The following BLM variants were observed in gnomAD, a reference collection of about 807,000 sequenced individuals.
The protein encoded by BLM is recQ-like DNA helicase BLM.
BLM carries 95 observed loss-of-function variants against 135.3 expected under a neutral mutation model. The ratio of observed to expected loss-of-function variants is 0.70; its 90% CI spans 0.59 to 0.83. The LOEUF (loss-of-function observed/expected upper bound fraction) is 0.83, where lower values mean the gene tolerates loss of function less well. BLM is among the 40% of genes least tolerant of loss of function. The probability of loss-of-function intolerance (pLI) is 0.00; values close to 1 mark genes in which losing one functional copy is unlikely to be tolerated. For missense variants in BLM, 1,518 were observed against 1,663.9 expected (o/e 0.91, Z 1.53); for synonymous variants, 520 against 589.2 (o/e 0.88, Z 1.70).
At position 90,749,562 on chromosome 15, in the gene BLM, AAC is replaced by A. The variant is rs745807085; in HGVS notation, c.298_299del (p.Gln100GlufsTer42). 12 of 1,614,068 alleles carry A rather than the reference AAC, an allele frequency of 7.4e-6. No homozygotes were observed. The highest frequency in any genetic ancestry group is 3.3e-5 in the Admixed American group (2 of 60,012). On this transcript the variant is annotated frameshift_variant, in exon 3 of 22. Coordinates refer to ENST00000355112, the MANE Select transcript of BLM (RefSeq NM_000057.4). LOFTEE classifies it high-confidence loss of function. ...FFKNAPAGQE[T>X]QRGGSKSLLP... The stretch of plus-strand genomic sequence containing the variant: ...TTAAAAATGCTCCAGCAGGACAGGA[AAC>A]ACAGAGAGGTGGATCAAAATCATTA...
At chr15:90,784,555 C>T (rs1200776944) in intron 13 of BLM, among the ~76,000 whole-genome samples, 2 of 151,574 alleles carry the variant, frequency 1.3e-5, no homozygotes, top group Admixed American at 6.6e-5. Context: ...AGGCTGGTCT[C>T]GAACTCCCGA....
chr15:90,788,914 A>C (rs539697930), intron 14 of BLM, among the ~76,000 whole-genome samples: 11 of 151,642 alleles, frequency 7.3e-5, no homozygotes, highest in African/African-American at 1.9e-4. Flanking sequence ...TGGAGGTTGC[A>C]GTGAGCCAAA....
At position 90,804,159 on chromosome 15, in the gene BLM, T is replaced by G; in HGVS notation, c.3559-8T>G. The G allele has an allele frequency of 6.2e-7, 1 of 1,611,824 alleles. No individual in the cohort carries two copies. The highest frequency in any genetic ancestry group is 8.5e-7 in the Non-Finnish European group (1 of 1,178,084). ...CCCACTCCTATGATTTGTTTCTCTC[T>G]CATAAAGGTAGACTTTATGGAAACA... On this transcript the variant is annotated splice_region_variant and splice_polypyrimidine_tract_variant and intron_variant, in intron 18 of 21. Coordinates refer to ENST00000355112, the MANE Select transcript of BLM (RefSeq NM_000057.4).
At chr15:90,790,574 T>C in intron 14 of BLM, 75 bp from the exon 15 acceptor site, 2 of 1,376,962 alleles carry the variant, frequency 1.5e-6, no homozygotes, top group Non-Finnish European at 2.1e-6. Context: ...ATAGAGCTTT[T>C]AGAAGCATCT....
intron 14 of BLM, among the ~76,000 whole-genome samples, chr15:90,788,676 A>G (rs1360305045): frequency 2.0e-5 from 3 of 151,982 alleles, no homozygotes; most frequent in Non-Finnish European, 4.4e-5. Context: ...GATAAGGAAA[A>G]AGTTTGCATG....
At chr15:90,789,898 T>C (rs2151183662) in intron 14 of BLM, among the ~76,000 whole-genome samples, 1 of 151,794 alleles carries the variant, frequency 6.6e-6, no homozygotes, top group Admixed American at 6.6e-5. Context: ...TGGATATCCT[T>C]GAAAACTGAT....
At chr15:90,761,715 T>G (rs1165339996) in intron 7 of BLM, among the ~76,000 whole-genome samples, 1 of 152,214 alleles carries the variant, frequency 6.6e-6, no homozygotes, top group Non-Finnish European at 1.5e-5. Flanking sequence ...ATAAAGGATA[T>G]GAAGTCAGGA....
intron 21 of BLM, among the ~76,000 whole-genome samples, chr15:90,811,919 A>G (rs887013995): frequency 6.6e-6 from 1 of 152,180 alleles, no homozygotes; most frequent in African/African-American, 2.4e-5. Flanking sequence ...TGGTCTCCCC[A>G]AAGTGCTGGA....
intron 1 of BLM, among the ~76,000 whole-genome samples, chr15:90,722,222 G>A (rs1211607077): frequency 2.0e-5 from 3 of 151,780 alleles, no homozygotes; most frequent in Non-Finnish European, 4.4e-5. Flanking sequence ...CCATTCTCCT[G>A]CCTCAGCCTC....
chr15:90,785,025 A>G lies in BLM; in HGVS notation c.2767A>G (p.Ser923Gly). ...TGCTCTTGCTTACCATGCTGGCCTC[A>G]GTGATTCTGCCAGAGATGAAGTGCA... The part of the protein sequence containing the change: ...LAALAYHAGL[S>G]DSARDEVQQK... Residue 923 changes from serine (S) to glycine (G), a missense_variant, in exon 14 of 22, where the codon AGT becomes GGT. Physicochemically the swap from Ser to Gly is moderately conservative, Grantham distance 56. Coordinates refer to ENST00000355112, the MANE Select transcript of BLM (RefSeq NM_000057.4). 1 of 1,614,180 alleles carries G rather than the reference A, an allele frequency of 6.2e-7. No homozygotes were observed. The highest frequency in any genetic ancestry group is 8.5e-7 in the Non-Finnish European group (1 of 1,180,022).
intron 15 of BLM, among the ~76,000 whole-genome samples, chr15:90,792,093 T>G (rs28461473): frequency 2.7e-4 from 26 of 95,894 alleles, no homozygotes; most frequent in Non-Finnish European, 1.6e-4. Flanking sequence ...CTTTTTTTTT[T>G]CTTTTTTTTT....
intron 19 of BLM, among the ~76,000 whole-genome samples, chr15:90,808,492 C>T (rs1897329402): frequency 6.6e-6 from 1 of 152,210 alleles, no homozygotes; most frequent in African/African-American, 2.4e-5. Flanking sequence ...TGGCTTCCAC[C>T]AGGCTCCCGG....
At chr15:90,789,044 T>G (rs56836956) in intron 14 of BLM, among the ~76,000 whole-genome samples, 1 of 20,392 alleles carries the variant, frequency 4.9e-5, no homozygotes, top group African/African-American at 4.1e-4. Context: ...ACAATGGAGA[T>G]ATATATATAT....
chr15:90,729,832 A>T (rs1313103972), intron 1 of BLM, among the ~76,000 whole-genome samples: 1 of 151,886 alleles, frequency 6.6e-6, no homozygotes, highest in Non-Finnish European at 1.5e-5. Flanking sequence ...CATTCACTTA[A>T]GATTTTTATT....
At chr15:90,801,202 C>A (rs1233452787) in intron 17 of BLM, among the ~76,000 whole-genome samples, 1 of 151,444 alleles carries the variant, frequency 6.6e-6, no homozygotes, top group Non-Finnish European at 1.5e-5. Context: ...ACAAAAAAGT[C>A]ATCCATTTGA....
chr15:90,783,492 G>GTA (rs1206426871), intron 13 of BLM, among the ~76,000 whole-genome samples: 1 of 152,162 alleles, frequency 6.6e-6, no homozygotes, highest in Non-Finnish European at 1.5e-5. Flanking sequence ...AGCTTCATGT[G>GTA]TATATCTAGA....
At chr15:90,727,143 A>G (rs1012802351) in intron 1 of BLM, among the ~76,000 whole-genome samples, 1 of 151,900 alleles carries the variant, frequency 6.6e-6, no homozygotes, top group Non-Finnish European at 1.5e-5. Context: ...CTGGGGTAGG[A>G]TGATACTTCA....
In BLM at chr15:90,811,355, C is replaced by T. The variant is rs761200006; in HGVS notation, c.4025C>T (p.Ser1342Phe). 2 of 1,614,130 alleles carry T rather than the reference C, an allele frequency of 1.2e-6. No homozygotes were observed. Among genetic ancestry groups the T allele is most frequent in the South Asian group, 2.2e-5 (2 of 91,086 alleles). Reference protein sequence around the residue: ...NERKRKKMPASQRSKRRKTAS... With the variant: ...NERKRKKMPAFQRSKRRKTAS... ...AGGAAGAGGAAAAAGATGCCAGCCT[C>T]CCAAAGGTCTAAGAGGAGAAAAACT... Residue 1342 changes from serine (S) to phenylalanine (F), a missense_variant, in exon 21 of 22, where the codon TCC becomes TTC. Around this residue, in one of 5 missense-constraint regions of BLM, gnomAD observed 153 missense variants for 173.4 expected, o/e 0.88. Transcript: ENST00000355112.
In BLM at chr15:90,725,463, T is replaced by C. The variant is rs146498700; in HGVS notation, c.-5+8023T>C. Among the ~76,000 whole-genome samples, 1,151 of 152,144 alleles carry C rather than the reference T, an allele frequency of 7.6e-3. 11 individuals are homozygous for C. The highest frequency in any genetic ancestry group is 7.7e-3 in the Non-Finnish European group (523 of 67,990). On this transcript the variant is annotated intron_variant, in intron 1 of 21. Transcript: ENST00000355112. Reference sequence around the variant, plus strand: ...TTATTAGTGAAGATGAGTACCCTGATGTGTTTATGGGCTATTTCCTCTTTT... The same window carrying C: ...TTATTAGTGAAGATGAGTACCCTGACGTGTTTATGGGCTATTTCCTCTTTT...
Sources: allele counts gnomAD v4.1 joint callset (sites outside exome capture counted in the v4.1 genomes callset), GRCh38; gene constraint gnomAD v4.1.1; regional missense constraint gnomAD v4.1.1; transcripts MANE v1.5; gene names NCBI Gene and HGNC (gene_info 2026-07-23, HGNC 2026-07-21).